Variants in SMS observed in about 807,000 individuals in gnomAD.
SMS encodes spermidine aminopropyltransferase.
SMS carries 3 observed loss-of-function variants against 33.0 expected under a neutral mutation model. The observed-to-expected ratio is 0.09, with a 90% CI of 0.04 to 0.23. SMS has a LOEUF of 0.23. SMS is among the 10% of genes least tolerant of loss of function. The pLI is 1.00. For missense variants in SMS, 117 were observed against 288.6 expected, an observed-to-expected ratio of 0.41 and a Z score of 4.31; for synonymous variants, 103 against 112.2, an observed-to-expected ratio of 0.92 and a Z score of 0.52.
At chrX:21,980,455 T>C (rs1924863808) in intron 7 of SMS, among the ~76,000 whole-genome samples, 1 of 100,924 alleles carries the variant, frequency 9.9e-6, no homozygotes, top group South Asian at 4.5e-4. Flanking sequence ...TATATATATT[T>C]CCATCTAACA....
rs767691986 is a variant in SMS at position 21,967,885 on chromosome X, A to G, written c.170+569A>G. ...GTCAACTCCCTGGAGTAAAAAGTTT[A>G]TGGTAGAACTCAGCCTCTTAAGTCC... On this transcript the variant is annotated intron_variant, in intron 2 of 10. Transcript: ENST00000404933. Among the ~76,000 whole-genome samples the G allele has an allele frequency of 2.7e-5, 3 of 112,218 alleles. No individual in the cohort carries two copies. The East Asian group carries it at 8.5e-4, about 32-fold the overall frequency.
rs138480088 is a variant in SMS, at chrX:21,960,465, G to A, written c.50-6731G>A. On this transcript the variant is annotated intron_variant, in intron 1 of 10. Coordinates refer to ENST00000404933, the MANE Select transcript of SMS (RefSeq NM_004595.5). ...GATTATCAAACATGTACAGCAGAAG[G>A]CTCATTTCAGATCAGAAGTTCTACA... Among the ~76,000 whole-genome samples, 961 of 110,025 alleles carry A rather than the reference G, an allele frequency of 8.7e-3. 7 individuals carry two copies. Among genetic ancestry groups the A allele is most frequent in the Non-Finnish European group, 0.015 (807 of 52,707 alleles).
At chrX:21,993,177 C>T (rs1401766275) in intron 10 of SMS, among the ~76,000 whole-genome samples, 2 of 112,195 alleles carry the variant, frequency 1.8e-5, no homozygotes, top group Non-Finnish European at 3.8e-5. Flanking sequence ...CTAAAATAAC[C>T]ACCCTACCTG....
intron 10 of SMS, among the ~76,000 whole-genome samples, chrX:21,993,772 T>G (rs755296762): frequency 2.7e-5 from 3 of 112,313 alleles, no homozygotes; most frequent in African/African-American, 6.5e-5. Context: ...TTGTCAGGCC[T>G]GTGTTTGCAT....
At chrX:21,967,858 A>G (rs919347355) in intron 2 of SMS, among the ~76,000 whole-genome samples, 1 of 112,467 alleles carries the variant, frequency 8.9e-6, no homozygotes, top group African/African-American at 3.2e-5. Context: ...TGCAAGCGGT[A>G]GGTCAACTCC....
chrX:21,967,461 C>T (rs756488223), intron 2 of SMS, 145 bp downstream of exon 2: 14 of 592,373 alleles, frequency 2.4e-5, no homozygotes, highest in Middle Eastern at 4.3e-4. Context: ...GCTTCTCAAC[C>T]GTAGCTGCAC....
At chrX:21,983,006 G>A (rs938580006) in intron 7 of SMS, among the ~76,000 whole-genome samples, 2 of 111,604 alleles carry the variant, frequency 1.8e-5, no homozygotes, top group African/African-American at 6.5e-5. Context: ...AATAACATGG[G>A]ATAGGTTATC....
At chrX:21,963,365 A>G (rs977752617) in intron 1 of SMS, among the ~76,000 whole-genome samples, 7 of 112,200 alleles carry the variant, frequency 6.2e-5, no homozygotes, top group African/African-American at 2.3e-4. Context: ...TCAGATGCCC[A>G]CAGGGACCAG....
intron 7 of SMS, among the ~76,000 whole-genome samples, chrX:21,980,286 G>A (rs1052242535): frequency 4.6e-5 from 5 of 107,934 alleles, no homozygotes; most frequent in African/African-American, 1.7e-4. Flanking sequence ...GTGTGGCGGC[G>A]TGTGCCTGTA....
intron 1 of SMS, among the ~76,000 whole-genome samples, chrX:21,950,874 C>CT (rs752460650): frequency 9.8e-4 from 110 of 111,825 alleles, no homozygotes; most frequent in Middle Eastern, 9.3e-3. Context: ...GGTTCCAAGT[C>CT]TTTGTTATTG....
intron 10 of SMS, among the ~76,000 whole-genome samples, chrX:21,993,969 C>G (rs1384920613): frequency 9.3e-6 from 1 of 107,831 alleles, no homozygotes; most frequent in Admixed American, 1.0e-4. Flanking sequence ...TCCCGCTACC[C>G]TAACTTTCCC....
At chrX:21,976,991 C>G in intron 4 of SMS, 70 bp from the exon 5 acceptor site, 1 of 1,038,539 alleles carries the variant, frequency 9.6e-7, no homozygotes, top group Non-Finnish European at 1.4e-6. Flanking sequence ...CTTTTGCACA[C>G]TCTTCATCCT....
At chrX:21,971,566 C>T (rs768027696) in intron 2 of SMS, among the ~76,000 whole-genome samples, 1 of 112,122 alleles carries the variant, frequency 8.9e-6, no homozygotes, top group South Asian at 3.7e-4. Context: ...CTCCCTTCCT[C>T]TTAAGGCAGT....
intron 1 of SMS, among the ~76,000 whole-genome samples, chrX:21,942,347 T>A (rs1209172418): frequency 9.0e-6 from 1 of 111,164 alleles, no homozygotes; most frequent in African/African-American, 3.3e-5. Flanking sequence ...TCTGGCTTCT[T>A]CCTGATGGGC....
At chrX:21,974,247 T>C (rs1924393565) in intron 4 of SMS, among the ~76,000 whole-genome samples, 1 of 112,505 alleles carries the variant, frequency 8.9e-6, no homozygotes, top group African/African-American at 3.2e-5. Context: ...AGATGTAAGA[T>C]AACTAGGTAA....
intron 1 of SMS, among the ~76,000 whole-genome samples, chrX:21,962,893 G>A (rs370901072): frequency 1.6e-3 from 174 of 110,460 alleles, no homozygotes; most frequent in African/African-American, 5.3e-3. Flanking sequence ...GGGCTCAAGC[G>A]ATCCTCCTGC....
chrX:21,961,414 G>T (rs1235693830), intron 1 of SMS, among the ~76,000 whole-genome samples: 2 of 110,507 alleles, frequency 1.8e-5, no homozygotes, highest in African/African-American at 6.6e-5. Flanking sequence ...GCCTGATTTT[G>T]ATCCAAGACT....
chrX:21,962,241 A>G (rs1051203979), intron 1 of SMS, among the ~76,000 whole-genome samples: 13 of 111,452 alleles, frequency 1.2e-4, no homozygotes, highest in African/African-American at 4.3e-4. Flanking sequence ...TGTTAACCTT[A>G]CCCCTGATAT....
At chrX:21,975,943 G>A (rs1365848237) in intron 4 of SMS, among the ~76,000 whole-genome samples, 1 of 110,769 alleles carries the variant, frequency 9.0e-6, no homozygotes, top group Non-Finnish European at 1.9e-5. Flanking sequence ...ACATCATGGC[G>A]TTTTAATGTT....
Sources: gnomAD v4.1 joint callset for allele counts (sites outside exome capture counted in the v4.1 genomes callset) on GRCh38, gnomAD v4.1.1 for gene constraint, MANE v1.5 for transcripts, NCBI Gene and HGNC (gene_info 2026-07-23, HGNC 2026-07-21) for gene names.